Variants in RUNX2 observed in about 807,000 individuals in gnomAD.
RUNX2 encodes the protein runt-related transcription factor 2.
RUNX2 carries 10 observed loss-of-function variants against 51.7 expected under a neutral mutation model. The ratio of observed to expected loss-of-function variants is 0.19; its 90% CI spans 0.12 to 0.33. The LOEUF is 0.33. Among genes scored for constraint, RUNX2 ranks in the 10% least tolerant of loss-of-function variants. The probability of loss-of-function intolerance (pLI) is 1.00; values close to 1 mark genes in which losing one functional copy is unlikely to be tolerated. For missense variants in RUNX2, 562 were observed against 691.3 expected, an observed-to-expected ratio of 0.81 and a Z score of 2.10; for synonymous variants, 276 against 273.6, an observed-to-expected ratio of 1.01 and a Z score of -0.09.
intron 2 of RUNX2, among the ~76,000 whole-genome samples, 170 bp downstream of exon 2, chr6:45,328,954 G>A (rs1359070299): frequency 6.6e-6 from 1 of 151,840 alleles, no homozygotes; most frequent in East Asian, 1.9e-4. Flanking sequence ...TTTGCATTTG[G>A]TATCTGTAAT....
At chr6:45,401,994 C>CATTCTAGTTACTACT (rs1353166410) in intron 2 of RUNX2, among the ~76,000 whole-genome samples, 17 of 152,330 alleles carry the variant, frequency 1.1e-4, no homozygotes, top group Non-Finnish European at 1.6e-4. Context: ...ACTAGGATAT[C>CATTCTAGTTACTACT]AGGAAACGTC....
intron 5 of RUNX2, among the ~76,000 whole-genome samples, chr6:45,481,493 C>T (rs1306724348): frequency 6.6e-6 from 1 of 152,114 alleles, no homozygotes; most frequent in Non-Finnish European, 1.5e-5. Context: ...TCAAGTTTTA[C>T]TAAGTTTTGG....
chr6:45,528,753 G>A (rs1220930871), intron 7 of RUNX2, among the ~76,000 whole-genome samples: 1 of 152,198 alleles, frequency 6.6e-6, no homozygotes, highest in African/African-American at 2.4e-5. Context: ...AAACACTTAG[G>A]CAAGGGGCTA....
chr6:45,546,740 TTC>T, intron 8 of RUNX2, 85 bp from the exon 9 acceptor site: 3 of 1,204,390 alleles, frequency 2.5e-6, no homozygotes, highest in Non-Finnish European at 3.7e-6. Context: ...AGCTAAAGTT[TTC>T]TCTTTTTTTT....
At chr6:45,490,176 C>A (rs1800419397) in intron 5 of RUNX2, among the ~76,000 whole-genome samples, 1 of 152,174 alleles carries the variant, frequency 6.6e-6, no homozygotes. Flanking sequence ...ACCTTACTTG[C>A]CAGGGTCTAG....
chr6:45,367,184 A>G (rs1795276983), intron 2 of RUNX2, among the ~76,000 whole-genome samples: 1 of 152,180 alleles, frequency 6.6e-6, no homozygotes, highest in African/African-American at 2.4e-5. Flanking sequence ...GAATATCCCA[A>G]TATCCCTCTG....
chr6:45,365,447 C>T (rs2295296), intron 2 of RUNX2: 89,050 of 568,032 alleles, frequency 0.16, 7,877 homozygotes, highest in East Asian at 0.27. Context: ...TTCACTTATA[C>T]TTAATGTTCT....
At chr6:45,508,811 G>A (rs1011196349) in intron 6 of RUNX2, among the ~76,000 whole-genome samples, 3 of 151,980 alleles carry the variant, frequency 2.0e-5, no homozygotes, top group Admixed American at 1.3e-4. Flanking sequence ...AAACCTCTTT[G>A]GTAGCTTAAA....
intron 7 of RUNX2, among the ~76,000 whole-genome samples, chr6:45,524,520 A>G (rs1475878324): frequency 1.3e-5 from 2 of 152,220 alleles, no homozygotes; most frequent in African/African-American, 2.4e-5. Flanking sequence ...TAACAATGCT[A>G]TAGTTGATGG....
intron 2 of RUNX2, among the ~76,000 whole-genome samples, chr6:45,417,725 G>A (rs771371629): frequency 1.6e-4 from 24 of 152,258 alleles, no homozygotes; most frequent in Admixed American, 3.9e-4. Context: ...TTAGGTGAAG[G>A]CAGCTATAGA....
At chr6:45,459,253 C>T (rs762355949) in intron 5 of RUNX2, among the ~76,000 whole-genome samples, 3 of 152,148 alleles carry the variant, frequency 2.0e-5, no homozygotes, top group Non-Finnish European at 4.4e-5. Context: ...AACCGTATTC[C>T]CACAGAGCAG....
intron 5 of RUNX2, among the ~76,000 whole-genome samples, chr6:45,467,784 G>A (rs572413382): frequency 3.3e-5 from 5 of 152,254 alleles, no homozygotes; most frequent in South Asian, 4.1e-4. Flanking sequence ...CATTCTAGCC[G>A]TCTTCAATGT....
chr6:45,381,795 G>A (rs1394080318), intron 2 of RUNX2, among the ~76,000 whole-genome samples: 2 of 152,196 alleles, frequency 1.3e-5, no homozygotes, highest in Non-Finnish European at 2.9e-5. Context: ...ATGCACTGCA[G>A]GGGGTTGGGG....
intron 2 of RUNX2, among the ~76,000 whole-genome samples, chr6:45,341,243 T>G (rs2150133872): frequency 6.6e-6 from 1 of 152,318 alleles, no homozygotes; most frequent in African/African-American, 2.4e-5. Flanking sequence ...GCTATGAGAT[T>G]ATATTTTTCA....
chr6:45,340,422 C>T (rs530229795), intron 2 of RUNX2, among the ~76,000 whole-genome samples: 47 of 152,168 alleles, frequency 3.1e-4, no homozygotes, highest in African/African-American at 9.4e-4. Flanking sequence ...CTCCTGAGCT[C>T]AAGGGATCTT....
intron 5 of RUNX2, among the ~76,000 whole-genome samples, chr6:45,447,547 T>C (rs1799037350): frequency 6.6e-6 from 1 of 152,216 alleles, no homozygotes; most frequent in Non-Finnish European, 1.5e-5. Context: ...CTTATTAAAA[T>C]TAATCATGAT....
chr6:45,433,757 G>A (rs1040772174), intron 4 of RUNX2, among the ~76,000 whole-genome samples: 8 of 152,034 alleles, frequency 5.3e-5, no homozygotes, highest in African/African-American at 1.9e-4. Context: ...CTGAGTTTTG[G>A]CTGGTTTCCC....
intron 2 of RUNX2, among the ~76,000 whole-genome samples, chr6:45,366,476 T>C (rs1563033701): frequency 1.3e-5 from 2 of 152,166 alleles, no homozygotes; most frequent in Non-Finnish European, 2.9e-5. Flanking sequence ...ACACAATAAA[T>C]GTTAGCTATT....
intron 2 of RUNX2, among the ~76,000 whole-genome samples, chr6:45,412,910 T>G (rs113673672): frequency 0.08 from 12,130 of 152,142 alleles, 707 homozygotes; most frequent in South Asian, 0.18. Context: ...CACACTCGGC[T>G]GATTTTTGTA....
Sources: gnomAD v4.1 joint callset for allele counts (sites outside exome capture counted in the v4.1 genomes callset) on GRCh38, gnomAD v4.1.1 for gene constraint, MANE v1.5 for transcripts, NCBI Gene and HGNC (gene_info 2026-07-23, HGNC 2026-07-21) for gene names.